Variants in TENM2 observed in about 807,000 individuals in gnomAD.
TENM2 encodes teneurin-2.
TENM2 carries 52 observed loss-of-function variants against 245.2 expected under a neutral mutation model. The ratio of observed to expected loss-of-function variants is 0.21; its 90% CI spans 0.17 to 0.27. TENM2 has a LOEUF of 0.27. Ranked by LOEUF, TENM2 falls within the 10% of genes least tolerant of loss-of-function variation. The pLI is 1.00. For missense variants in TENM2, 3,046 were observed against 3,666.8 expected (o/e 0.83, Z 4.37); for synonymous variants, 1,363 against 1,438.9 (o/e 0.95, Z 1.19).
At chr5:167,487,071 G>A (rs935900373) in intron 2 of TENM2, among the ~76,000 whole-genome samples, 17 of 152,294 alleles carry the variant, frequency 1.1e-4, no homozygotes, top group African/African-American at 2.9e-4. Flanking sequence ...TCTGATAGGC[G>A]GATCTGAAGG....
chr5:168,102,446 C>A (rs773182888), intron 9 of TENM2, among the ~76,000 whole-genome samples: 2 of 152,158 alleles, frequency 1.3e-5, no homozygotes, highest in Non-Finnish European at 2.9e-5. Context: ...AATGTTAGCG[C>A]CCCCATTAAC....
intron 2 of TENM2, among the ~76,000 whole-genome samples, chr5:167,663,001 T>C (rs1298828643): frequency 6.6e-6 from 1 of 152,216 alleles, no homozygotes; most frequent in Non-Finnish European, 1.5e-5. Flanking sequence ...TTAACCTCTG[T>C]GTCTCTGTCT....
the TENM2 span, among the ~76,000 whole-genome samples, chr5:167,004,842 A>C: frequency 6.6e-6 from 1 of 152,180 alleles, no homozygotes; most frequent in East Asian, 1.9e-4. Flanking sequence ...TTGTGCAAGA[A>C]GGATTGTGGG....
At chr5:168,154,731 T>C (rs1018447373) in intron 12 of TENM2, among the ~76,000 whole-genome samples, 3 of 152,190 alleles carry the variant, frequency 2.0e-5, no homozygotes, top group African/African-American at 7.2e-5. Flanking sequence ...GAAGCTCTGC[T>C]GTTTCTATTG....
chr5:167,966,574 GA>G (rs1781401513), intron 4 of TENM2, among the ~76,000 whole-genome samples: 1 of 152,150 alleles, frequency 6.6e-6, no homozygotes, highest in Non-Finnish European at 1.5e-5. Flanking sequence ...TGCGTATTTG[GA>G]AATCGAGATT....
chr5:167,725,357 C>T (rs1462515881), intron 2 of TENM2, among the ~76,000 whole-genome samples: 2 of 152,056 alleles, frequency 1.3e-5, no homozygotes, highest in African/African-American at 2.4e-5. Flanking sequence ...CTTTGAAAGC[C>T]TATGTGAATA....
intron 2 of TENM2, among the ~76,000 whole-genome samples, chr5:167,526,336 C>CT (rs1442737459): frequency 3.4e-5 from 5 of 147,304 alleles, no homozygotes; most frequent in African/African-American, 5.1e-5. Flanking sequence ...CAAAAACTAC[C>CT]TATCATTATC....
intron 2 of TENM2, among the ~76,000 whole-genome samples, chr5:167,827,644 G>A (rs1768099636): frequency 8.0e-6 from 1 of 125,474 alleles, no homozygotes; most frequent in African/African-American, 2.9e-5. Flanking sequence ...GGGGGGAACA[G>A]TTTAATGAGC....
chr5:167,244,829 G>A, the TENM2 span, among the ~76,000 whole-genome samples: 1 of 152,128 alleles, frequency 6.6e-6, no homozygotes, highest in African/African-American at 2.4e-5. Flanking sequence ...GTGCCATCCT[G>A]TGGCCTAAAT....
intron 1 of TENM2, among the ~76,000 whole-genome samples, chr5:167,315,272 CATT>C (rs1756293502): frequency 6.6e-6 from 1 of 152,028 alleles, no homozygotes; most frequent in Admixed American, 6.6e-5. Flanking sequence ...TTGATGGCAT[CATT>C]ATTTTATAAT....
chr5:167,235,040 CA>C, the TENM2 span, among the ~76,000 whole-genome samples: 4 of 152,128 alleles, frequency 2.6e-5, no homozygotes, highest in Admixed American at 6.6e-5. Flanking sequence ...GGCTTAAAAA[CA>C]GTAGGAATGT....
At chr5:167,278,194 C>A in the TENM2 span, among the ~76,000 whole-genome samples, 1 of 152,076 alleles carries the variant, frequency 6.6e-6, no homozygotes, top group African/African-American at 2.4e-5. Context: ...GTCCCAGCTA[C>A]TCAGGAAGTT....
Position 167,879,899 on chromosome 5 carries a change from T to C in TENM2, c.712+3704T>C, listed in dbSNP as rs114723432. Among the ~76,000 whole-genome samples the C allele has an allele frequency of 8.1e-3, 1,230 of 152,266 alleles. 13 individuals are homozygous for C. Among genetic ancestry groups the C allele is most frequent in the Non-Finnish European group, 0.013 (861 of 68,016 alleles). ...CTTAGTTAATTCTAAATGAAAATAG[T>C]ATATCAAAATCAGCAGGCTTTGGGG... On this transcript the variant is annotated intron_variant, in intron 3 of 28. Transcript: ENST00000518659.
chr5:167,120,801 C>G, the TENM2 span, among the ~76,000 whole-genome samples: 42 of 152,346 alleles, frequency 2.8e-4, 1 homozygote, highest in Admixed American at 2.2e-3. Flanking sequence ...CATCACTAAA[C>G]TCTTAAGATT....
At chr5:167,544,552 G>A (rs1383416384) in intron 2 of TENM2, among the ~76,000 whole-genome samples, 2 of 152,152 alleles carry the variant, frequency 1.3e-5, no homozygotes, top group African/African-American at 2.4e-5. Flanking sequence ...CTAGTGTAAT[G>A]AGACTCATGC....
At chr5:168,031,904 C>T (rs561620255) in intron 5 of TENM2, among the ~76,000 whole-genome samples, 2 of 152,174 alleles carry the variant, frequency 1.3e-5, no homozygotes, top group Non-Finnish European at 2.9e-5. Context: ...GACCTGAAGC[C>T]AGGTCTGCTG....
At chr5:167,466,934 C>T (rs1766696029) in intron 2 of TENM2, among the ~76,000 whole-genome samples, 2 of 152,068 alleles carry the variant, frequency 1.3e-5, no homozygotes, top group African/African-American at 4.8e-5. Context: ...CTGATTTTAG[C>T]CATATGTCAT....
intron 9 of TENM2, among the ~76,000 whole-genome samples, chr5:168,103,128 G>A (rs1198718565): frequency 6.6e-5 from 10 of 151,504 alleles, no homozygotes; most frequent in Admixed American, 2.6e-4. Flanking sequence ...GAGAACATGC[G>A]GTGTTTGGTT....
rs536880954 is a variant in TENM2 at position 168,075,977 on chromosome 5, G to A, written c.1515+13712G>A. ...CCCCATGATTCAAATACCTCCCACC[G>A]TCTCCCTCCCACGACACATGGGAAT... On this transcript the variant is annotated intron_variant, in intron 7 of 28. Coordinates refer to ENST00000518659, the Ensembl canonical transcript of TENM2. Among the ~76,000 whole-genome samples the A allele has an allele frequency of 1.2e-4, 18 of 152,124 alleles. No individual in the cohort carries two copies. The South Asian group carries it at 1.2e-3, about 11-fold the overall frequency.
Sources: gnomAD v4.1 joint callset for allele counts (sites outside exome capture counted in the v4.1 genomes callset) on GRCh38, gnomAD v4.1.1 for gene constraint, MANE v1.5 for transcripts, NCBI Gene and HGNC (gene_info 2026-07-23, HGNC 2026-07-21) for gene names.